The following EXOC7 variants were observed in gnomAD, a reference collection of about 807,000 sequenced individuals.
EXOC7 encodes exocyst complex component Exo70.
A neutral mutation model predicts 87.6 loss-of-function variants in EXOC7; 51 were observed. That is an observed-to-expected ratio of 0.58 (90% CI 0.46 to 0.73). The LOEUF (loss-of-function observed/expected upper bound fraction) is 0.73, where lower values mean the gene tolerates loss of function less well. Ranked by LOEUF, EXOC7 falls within the 30% of genes least tolerant of loss-of-function variation. The pLI is 0.00. For synonymous variants in EXOC7, 327 were observed against 357.1 expected (o/e 0.92, Z 0.95); for missense variants, 744 against 888.4 (o/e 0.84, Z 2.07).
intron 5 of EXOC7, among the ~76,000 whole-genome samples, chr17:76,095,848 C>G (rs1411337107): frequency 6.6e-6 from 1 of 152,158 alleles, no homozygotes; most frequent in African/African-American, 2.4e-5. Context: ...CATTTTGGTA[C>G]CATTCATCAA....
Position 76,082,405 on chromosome 17 carries a change from C to A in EXOC7, c.*1243G>T, listed in dbSNP as rs1037685809. On this transcript the variant is annotated 3_prime_UTR_variant, in exon 19 of 19. Coordinates refer to ENST00000589210, the MANE Select transcript of EXOC7 (RefSeq NM_001013839.4). Reference sequence around the variant, plus strand: ...CTGATGACCCCTGGGGTTCGCTCTTCCGCTCATGTTGAGGGGACCTTGAAG... The same window carrying A: ...CTGATGACCCCTGGGGTTCGCTCTTACGCTCATGTTGAGGGGACCTTGAAG... 8.0e-6 allele frequency: 12 copies of A among 1,506,942 alleles called. No homozygotes were observed. In the South Asian group the frequency reaches 1.6e-4, roughly 20 times the overall value. The allele number at this position is 1,506,942 out of a possible 1,614,324, so 93.3% of individuals were successfully genotyped here.
chr17:76,095,969 A>G (rs2443166), intron 5 of EXOC7, among the ~76,000 whole-genome samples: 73,923 of 152,022 alleles, frequency 0.49, 18,488 homozygotes, highest in South Asian at 0.67. Context: ...CCCCGACAGA[A>G]GAAATGAACC....
Position 76,089,473 on chromosome 17 carries a change from C to A in EXOC7, c.902-153G>T. 3 of 923,982 alleles carry A rather than the reference C, an allele frequency of 3.2e-6. No individual in the cohort carries two copies. The South Asian group carries it at 5.0e-5, about 15-fold the overall frequency. 57.2% of individuals were successfully genotyped at this position (923,982 alleles called of 1,614,324 possible). On this transcript the variant is annotated intron_variant, in intron 7 of 18. Coordinates refer to ENST00000589210, the MANE Select transcript of EXOC7 (RefSeq NM_001013839.4). ...TTCTGGCAGAAAGCTGCAAGGGAGC[C>A]AGCAGGCCCCGCCAGGTTCGAGGGG...
chr17:76,101,898 C>T, intron 2 of EXOC7, 35 bp from the exon 3 acceptor site: 1 of 1,570,612 alleles, frequency 6.4e-7, no homozygotes, highest in Non-Finnish European at 8.7e-7. Flanking sequence ...TTGGGACTCA[C>T]AGTGGTCCCA....
At position 76,082,480 on chromosome 17, in the gene EXOC7, AAGGGGTCAC is replaced by A; in HGVS notation, c.*1159_*1167del. The A allele has an allele frequency of 6.2e-7, 1 of 1,612,696 alleles. No homozygotes were observed. Among genetic ancestry groups the A allele is most frequent in the Non-Finnish European group, 8.5e-7 (1 of 1,179,352 alleles). ...CCCCACAGAGCCCTCCAGAGGAGTA[AAGGGGTCAC>A]AGAGAAGCTGGCCTGAGACTGCTGA... On this transcript the variant is annotated 3_prime_UTR_variant, in exon 19 of 19. Coordinates refer to ENST00000589210, the MANE Select transcript of EXOC7 (RefSeq NM_001013839.4).
At chr17:76,088,356 G>A in intron 10 of EXOC7, 108 bp downstream of exon 10, 1 of 1,172,012 alleles carries the variant, frequency 8.5e-7, no homozygotes, top group Non-Finnish European at 1.2e-6. Context: ...GCAGCTGGCT[G>A]CCCCGGGACA....
Position 76,081,340 on chromosome 17 carries a change from G to A in EXOC7, c.*2308C>T, listed in dbSNP as rs143316623. The A allele has an allele frequency of 2.3e-4, 379 of 1,614,140 alleles. 2 individuals carry two copies. In the African/African-American group the frequency reaches 4.0e-3, roughly 17 times the overall value. On this transcript the variant is annotated 3_prime_UTR_variant, in exon 19 of 19. Coordinates refer to ENST00000589210, the MANE Select transcript of EXOC7 (RefSeq NM_001013839.4). The stretch of plus-strand genomic sequence containing the variant: ...GATTGTGAGTGTCAAGAGGGAATAC[G>A]TAGTTTATGATCTGAAGACCCAAGT...
chr17:76,101,577 G>A (rs942985939), intron 3 of EXOC7, 102 bp downstream of exon 3: 132 of 1,429,382 alleles, frequency 9.2e-5, no homozygotes, highest in Non-Finnish European at 1.2e-4. Flanking sequence ...AGTCTCAAGC[G>A]ATCCTCCCAC....
In EXOC7 at chr17:76,082,085, G is replaced by T; in HGVS notation, c.*1563C>A. 6.4e-7 allele frequency: 1 copy of T among 1,562,044 alleles called. No individual in the cohort carries two copies. The highest frequency in any genetic ancestry group is 2.1e-5 in the Admixed American group (1 of 48,780). ...GCTGGGGGGTAAGGAATGAGGCCTAGGTGCACACCTAGGGCTGGGGTGAGG... is the reference window on the plus strand; with the variant it reads ...GCTGGGGGGTAAGGAATGAGGCCTATGTGCACACCTAGGGCTGGGGTGAGG... On this transcript the variant is annotated 3_prime_UTR_variant, in exon 19 of 19. Coordinates refer to ENST00000589210, the MANE Select transcript of EXOC7 (RefSeq NM_001013839.4).
At chr17:76,090,816 C>A in intron 7 of EXOC7, 1 of 515,710 alleles carries the variant, frequency 1.9e-6, no homozygotes, top group Non-Finnish European at 3.5e-6. Context: ...CCAGCTGGGG[C>A]CTGCCACTGC....
At chr17:76,101,925 C>G in intron 2 of EXOC7, 62 bp from the exon 3 acceptor site, 1 of 1,412,528 alleles carries the variant, frequency 7.1e-7, no homozygotes, top group Non-Finnish European at 9.6e-7. Context: ...CTTCTACACA[C>G]CCACCTTCGG....
In EXOC7 at chr17:76,085,468, G is replaced by T. The variant is rs1363651551; in HGVS notation, c.1617-59C>A. On this transcript the variant is annotated intron_variant, in intron 14 of 18. Transcript: ENST00000589210. ...CAGGATTGGCTCCTCAGGCCCAAAG[G>T]CTGCGGCAATGCCGGGAGGGCCTCC... 6 of 1,551,306 alleles carry T rather than the reference G, an allele frequency of 3.9e-6. No homozygotes were observed. The East Asian group carries it at 6.8e-5, about 18-fold the overall frequency.
In EXOC7 at chr17:76,084,517, C is replaced by T. The variant is rs758573271; in HGVS notation, c.1776G>A (p.Lys592=). 2.5e-6 allele frequency: 4 copies of T among 1,613,790 alleles called. No individual in the cohort carries two copies. Among genetic ancestry groups the T allele is most frequent in the Non-Finnish European group, 3.4e-6 (4 of 1,180,010 alleles). Residue 592 remains lysine (K), a splice_region_variant and synonymous_variant, in exon 16 of 19, where the codon AAG becomes AAA. Transcript: ENST00000589210. ...TTCCCAGCCCAGGTCTTGAGCCCAC[C>T]TTGACTCCCGGCTGGAACACAGGTA... ...KNLPVFQPGV[K]LRDKERQIIK...
Position 76,088,810 on chromosome 17 carries a change from G to A in EXOC7, c.1161C>T (p.His387=), listed in dbSNP as rs757944165. 2.5e-6 allele frequency: 4 copies of A among 1,613,908 alleles called. No individual in the cohort carries two copies. Among genetic ancestry groups the A allele is most frequent in the Non-Finnish European group, 3.4e-6 (4 of 1,180,034 alleles). The change falls in exon 9 of 19, where the codon CAC becomes CAT. Residue 387 remains histidine (H), a synonymous_variant. Coordinates refer to ENST00000589210, the MANE Select transcript of EXOC7 (RefSeq NM_001013839.4). ...CAAACTCAGGCTTGGTCTGCTTGAG[G>A]TGTCGCAGGATGGGGAAGACGGTGA... ...TVLTVFPILR[H]LKQTKPEFDQ... is the part of the protein sequence containing the mutation.
chr17:76,102,824 C>G (rs979957731), intron 2 of EXOC7, among the ~76,000 whole-genome samples: 1 of 152,180 alleles, frequency 6.6e-6, no homozygotes, highest in Non-Finnish European at 1.5e-5. Flanking sequence ...CACAGACACA[C>G]TGGGAGGCTG....
rs1372599430 is a variant in EXOC7 at position 76,084,097 on chromosome 17, C to A, written c.1861G>T (p.Ala621Ser). Residue 621 changes from alanine to serine, a missense_variant, in exon 18 of 19, where the codon GCC (alanine) becomes TCC (serine). Ala to Ser is a moderately conservative substitution (Grantham distance 99, BLOSUM62 1). Transcript: ENST00000589210. ...GLEELCKIQK[A>S]WAIPDTEQRD... ...TGCTCTGTGTCTGGAATAGCCCAGG[C>A]CTTCTGGATTTTGCACAGTTCTTCG... 6.2e-7 allele frequency: 1 copy of A among 1,608,744 alleles called. No homozygotes were observed. The highest frequency in any genetic ancestry group is 8.5e-7 in the Non-Finnish European group (1 of 1,178,342).
chr17:76,087,461 G>A (rs2067262612), intron 12 of EXOC7, 193 bp downstream of exon 12: 1 of 602,670 alleles, frequency 1.7e-6, no homozygotes, highest in Non-Finnish European at 2.9e-6. Context: ...GGGGCCAGAG[G>A]TCCAGTGTCT....
In EXOC7 at chr17:76,101,810, G is replaced by A. The variant is rs1468659472; in HGVS notation, c.180C>T (p.Ile60=). 6.2e-7 allele frequency: 1 copy of A among 1,613,928 alleles called. No individual in the cohort carries two copies. The highest frequency in any genetic ancestry group is 8.5e-7 in the Non-Finnish European group (1 of 1,180,030). The change falls in exon 3 of 19, where the codon ATC becomes ATT. Residue 60 remains isoleucine (I), a synonymous_variant. Coordinates refer to ENST00000589210, the MANE Select transcript of EXOC7 (RefSeq NM_001013839.4). ...ESRLMKLENS[I]IPVHKQTENL... ...TCTCCGTCTGCTTGTGCACAGGGATGATGGAGTTCTCCAGCTTCATAAGGC... is the reference window on the plus strand; with the variant it reads ...TCTCCGTCTGCTTGTGCACAGGGATAATGGAGTTCTCCAGCTTCATAAGGC...
At chr17:76,083,943 G>C in intron 18 of EXOC7, 63 bp downstream of exon 18, 1 of 1,493,802 alleles carries the variant, frequency 6.7e-7, no homozygotes, top group Non-Finnish European at 8.9e-7. Flanking sequence ...TGAGGAAGAG[G>C]AGCTTGAAGA....
Sources: allele counts gnomAD v4.1 joint callset (sites outside exome capture counted in the v4.1 genomes callset), GRCh38; gene constraint gnomAD v4.1.1; transcripts MANE v1.5; gene names NCBI Gene and HGNC (gene_info 2026-07-23, HGNC 2026-07-21).